The following FAF1 variants were observed in gnomAD, a reference collection of about 807,000 sequenced individuals.
FAF1 encodes Fas associated factor 1, also known as FAS-associated factor 1.
FAF1 carries 25 observed loss-of-function variants against 92.5 expected under a neutral mutation model. That is an observed-to-expected ratio of 0.27 (90% CI 0.20 to 0.38). The LOEUF (loss-of-function observed/expected upper bound fraction) is 0.38. Among genes scored for constraint, FAF1 ranks in the 10% least tolerant of loss-of-function variants. The pLI is 1.00. For synonymous variants in FAF1, 234 were observed against 273.2 expected (o/e 0.86, Z 1.42); for missense variants, 636 against 793.3 (o/e 0.80, Z 2.38).
intron 1 of FAF1, among the ~76,000 whole-genome samples, chr1:50,882,943 C>T (rs1404577141): frequency 1.3e-5 from 2 of 150,234 alleles, no homozygotes; most frequent in African/African-American, 4.9e-5. Flanking sequence ...GAGATTGCGC[C>T]ACTGCACTCT....
chr1:50,935,795 A>G (rs1570160047), intron 1 of FAF1, among the ~76,000 whole-genome samples: 1 of 152,198 alleles, frequency 6.6e-6, no homozygotes, highest in African/African-American at 2.4e-5. Context: ...AAGCTAACAC[A>G]TAGAAGTAAT....
intron 4 of FAF1, among the ~76,000 whole-genome samples, chr1:50,773,432 C>T (rs542583185): frequency 7.9e-5 from 12 of 152,140 alleles, no homozygotes; most frequent in Non-Finnish European, 1.8e-4. Flanking sequence ...AATCTATGTG[C>T]CCGTCAATAG....
At chr1:50,748,383 G>C (rs1659714239) in intron 4 of FAF1, among the ~76,000 whole-genome samples, 1 of 151,946 alleles carries the variant, frequency 6.6e-6, no homozygotes, top group African/African-American at 2.4e-5. Context: ...TGTAATCCCA[G>C]CTACTCAGGA....
chr1:50,627,154 A>C (rs1653541276), intron 8 of FAF1, among the ~76,000 whole-genome samples: 1 of 152,158 alleles, frequency 6.6e-6, no homozygotes, highest in Non-Finnish European at 1.5e-5. Flanking sequence ...TAGAAATATA[A>C]ATTTGTTAAC....
At chr1:50,927,954 T>C (rs1314941187) in intron 1 of FAF1, among the ~76,000 whole-genome samples, 1 of 152,240 alleles carries the variant, frequency 6.6e-6, no homozygotes, top group Non-Finnish European at 1.5e-5. Flanking sequence ...GTTCATGTTG[T>C]GCAAATTCAA....
chr1:50,569,383 A>G (rs1159233442), intron 12 of FAF1, among the ~76,000 whole-genome samples: 3 of 152,196 alleles, frequency 2.0e-5, no homozygotes, highest in Non-Finnish European at 2.9e-5. Context: ...AAACAAGAAC[A>G]CTGATACAAG....
At chr1:50,777,615 A>G (rs1442680633) in intron 4 of FAF1, among the ~76,000 whole-genome samples, 1 of 152,206 alleles carries the variant, frequency 6.6e-6, no homozygotes, top group African/African-American at 2.4e-5. Context: ...TGCAGCTAAG[A>G]AAATTTGATA....
chr1:50,532,091 C>T (rs1648205872), intron 15 of FAF1, among the ~76,000 whole-genome samples: 1 of 152,046 alleles, frequency 6.6e-6, no homozygotes, highest in Non-Finnish European at 1.5e-5. Flanking sequence ...TATGTATAGT[C>T]CAAAAGAAGT....
chr1:50,544,285 G>T (rs1455394759), intron 13 of FAF1, among the ~76,000 whole-genome samples: 2 of 152,124 alleles, frequency 1.3e-5, no homozygotes, highest in African/African-American at 2.4e-5. Flanking sequence ...GGAAACTAAG[G>T]TAAAGGCAGT....
chr1:50,620,264 A>G (rs546974313), intron 8 of FAF1, among the ~76,000 whole-genome samples: 1 of 151,962 alleles, frequency 6.6e-6, no homozygotes, highest in African/African-American at 2.4e-5. Context: ...CATTGTTTTA[A>G]ATTTTTTCTT....
chr1:50,846,163 T>C (rs1644297068), intron 2 of FAF1, among the ~76,000 whole-genome samples: 1 of 151,954 alleles, frequency 6.6e-6, no homozygotes, highest in East Asian at 1.9e-4. Flanking sequence ...GGGAGACTCG[T>C]TTCCAGGCAT....
intron 18 of FAF1, among the ~76,000 whole-genome samples, chr1:50,453,709 C>G (rs758723778): frequency 6.6e-6 from 1 of 152,118 alleles, no homozygotes; most frequent in Non-Finnish European, 1.5e-5. Flanking sequence ...TGGGCTTAAG[C>G]AAAAGCACCA....
intron 8 of FAF1, among the ~76,000 whole-genome samples, chr1:50,609,360 A>G (rs1652588390): frequency 6.6e-6 from 1 of 152,184 alleles, no homozygotes; most frequent in Non-Finnish European, 1.5e-5. Context: ...CCTAACAGAC[A>G]GCAAAACTGA....
intron 2 of FAF1, among the ~76,000 whole-genome samples, chr1:50,849,414 C>A (rs897442092): frequency 6.6e-6 from 1 of 152,122 alleles, no homozygotes; most frequent in Non-Finnish European, 1.5e-5. Context: ...AGTTCCTTTA[C>A]ATTTTTAGAT....
chr1:50,807,816 C>A (rs911616313), intron 2 of FAF1, among the ~76,000 whole-genome samples: 1 of 152,038 alleles, frequency 6.6e-6, no homozygotes, highest in Non-Finnish European at 1.5e-5. Context: ...AAAGAGAAAG[C>A]AAGAAACATG....
chr1:50,925,532 T>C (rs1644998822), intron 1 of FAF1, among the ~76,000 whole-genome samples: 1 of 150,068 alleles, frequency 6.7e-6, no homozygotes, highest in South Asian at 2.1e-4. Context: ...AACGAAGACA[T>C]AGAAATGGCC....
chr1:50,700,080 A>G (rs1657399271), intron 7 of FAF1, among the ~76,000 whole-genome samples: 1 of 152,092 alleles, frequency 6.6e-6, no homozygotes, highest in South Asian at 2.1e-4. Flanking sequence ...ACCCTCCCCA[A>G]AAATAACGCA....
intron 1 of FAF1, among the ~76,000 whole-genome samples, chr1:50,952,232 C>G (rs966867234): frequency 6.6e-6 from 1 of 152,178 alleles, no homozygotes; most frequent in Non-Finnish European, 1.5e-5. Context: ...CTCAGCCTGC[C>G]GAGTGCCTGG....
At chr1:50,801,811 A>C (rs1203038330) in intron 2 of FAF1, 134 bp from the exon 3 acceptor site, 5 of 573,160 alleles carry the variant, frequency 8.7e-6, no homozygotes, top group Non-Finnish European at 1.6e-5. Context: ...TTAGTGATGC[A>C]AAATGTTGTC....
Sources: gnomAD v4.1 joint callset for allele counts (sites outside exome capture counted in the v4.1 genomes callset) on GRCh38, gnomAD v4.1.1 for gene constraint, MANE v1.5 for transcripts, NCBI Gene and HGNC (gene_info 2026-07-23, HGNC 2026-07-21) for gene names.